PROSER2: variants seen among roughly 807,000 people sequenced by gnomAD.
PROSER2 encodes proline and serine rich 2, also known as proline and serine-rich protein 2.
A neutral mutation model predicts 14.6 loss-of-function variants in PROSER2; 18 were observed. The ratio of observed to expected loss-of-function variants is 1.23; its 90% CI spans 0.85 to 1.83. The LOEUF is 1.83. Ranked by LOEUF, PROSER2 falls within the 40% of genes most tolerant of loss-of-function variation. The probability of loss-of-function intolerance (pLI) is 0.00; values close to 1 mark genes in which losing one functional copy is unlikely to be tolerated. For missense variants in PROSER2, 823 were observed against 629.8 expected (o/e 1.31, Z -3.28); for synonymous variants, 367 against 286.4 (o/e 1.28, Z -2.84).
chr10:11,843,673 G>A, intron 1 of PROSER2, among the ~76,000 whole-genome samples: 1 of 148,646 alleles, frequency 6.7e-6, no homozygotes, highest in Non-Finnish European at 1.5e-5. Flanking sequence ...ACGACAGAGC[G>A]AGACTCTGTC....
chr10:11,864,328 C>A (rs1352558073), intron 2 of PROSER2, among the ~76,000 whole-genome samples: 2 of 152,154 alleles, frequency 1.3e-5, no homozygotes, highest in African/African-American at 4.8e-5. Context: ...GAAGTTATTT[C>A]AAACTTAATG....
chr10:11,866,797 C>T lies in PROSER2; in HGVS notation c.391+14C>T, dbSNP rs192672837. The T allele has an allele frequency of 2.5e-3, 4,066 of 1,604,556 alleles. 6 individuals carry two copies. The highest frequency in any genetic ancestry group is 3.1e-3 in the Admixed American group (188 of 59,830). On this transcript the variant is annotated intron_variant, in intron 3 of 3. Coordinates refer to ENST00000277570, the MANE Select transcript of PROSER2 (RefSeq NM_153256.4). The surrounding 1 kb of genome is among the most constrained non-coding windows in gnomAD (Gnocchi z 6.0). Reference sequence around the variant, plus strand: ...CCCAGGCAGCAGGTGAGGGGGAAGACAGGCCATCCCTGGGATGTGGTTTCC... The same window carrying T: ...CCCAGGCAGCAGGTGAGGGGGAAGATAGGCCATCCCTGGGATGTGGTTTCC...
intron 1 of PROSER2, among the ~76,000 whole-genome samples, chr10:11,828,590 CT>C: frequency 6.6e-6 from 1 of 152,198 alleles, no homozygotes; most frequent in Admixed American, 6.5e-5. Context: ...GTAATCCCAG[CT>C]ACTCGGGAGG....
intron 3 of PROSER2, among the ~76,000 whole-genome samples, chr10:11,867,368 G>T (rs1834374696): frequency 6.6e-6 from 1 of 151,842 alleles, no homozygotes; most frequent in Non-Finnish European, 1.5e-5. Flanking sequence ...ATTGGAAATG[G>T]CTTCCAGGTA....
intron 3 of PROSER2, among the ~76,000 whole-genome samples, chr10:11,867,874 A>G (rs1057168713): frequency 2.6e-5 from 4 of 152,230 alleles, no homozygotes; most frequent in African/African-American, 9.6e-5. Flanking sequence ...ACTGAAAACA[A>G]ATGTGGCCAA....
intron 1 of PROSER2, among the ~76,000 whole-genome samples, chr10:11,824,477 T>C (rs1443506077): frequency 6.6e-6 from 1 of 152,220 alleles, no homozygotes; most frequent in African/African-American, 2.4e-5. Context: ...TGCCCCAGCA[T>C]GCACTAAAAA....
intron 1 of PROSER2, among the ~76,000 whole-genome samples, chr10:11,825,183 C>T (rs1410316169): frequency 1.3e-5 from 2 of 152,176 alleles, no homozygotes; most frequent in Non-Finnish European, 2.9e-5. Context: ...AGGAGTGGAG[C>T]CTGGAAACCT....
chr10:11,847,567 G>A (rs1428152587), intron 1 of PROSER2, among the ~76,000 whole-genome samples: 1 of 152,114 alleles, frequency 6.6e-6, no homozygotes. Flanking sequence ...ACAGGTGCCT[G>A]CCACCACGCC....
chr10:11,838,107 T>C lies in PROSER2; in HGVS notation c.-81-13890T>C, dbSNP rs1833786648. ...ACCTCCAGGAAACCTTTCCTTTCTG[T>C]GTTGGTAGCAGCCAGACTCAGGTGC... On this transcript the variant is annotated intron_variant, in intron 1 of 3. Transcript: ENST00000277570. The surrounding 1 kb of genome is among the most constrained non-coding windows in gnomAD (Gnocchi z 4.4). Among the ~76,000 whole-genome samples the C allele has an allele frequency of 6.6e-6, 1 of 152,020 alleles. No individual in the cohort carries two copies. Among genetic ancestry groups the C allele is most frequent in the Non-Finnish European group, 1.5e-5 (1 of 68,014 alleles).
At chr10:11,853,511 C>T (rs950716411) in intron 2 of PROSER2, among the ~76,000 whole-genome samples, 1 of 152,154 alleles carries the variant, frequency 6.6e-6, no homozygotes, top group Admixed American at 6.5e-5. Context: ...TCACTTGAAC[C>T]AGGAGGCAGA....
At chr10:11,845,529 A>T (rs997818365) in intron 1 of PROSER2, among the ~76,000 whole-genome samples, 1 of 152,210 alleles carries the variant, frequency 6.6e-6, no homozygotes, top group Admixed American at 6.5e-5. Flanking sequence ...ATAATTGAGG[A>T]AAGTTTAATA....
In PROSER2 at chr10:11,838,640, T is replaced by C. The variant is rs1833795310; in HGVS notation, c.-81-13357T>C. Among the ~76,000 whole-genome samples the C allele has an allele frequency of 6.6e-6, 1 of 152,238 alleles. No homozygotes were observed. Among genetic ancestry groups the C allele is most frequent in the Non-Finnish European group, 1.5e-5 (1 of 68,036 alleles). The stretch of plus-strand genomic sequence containing the variant: ...TCATTCCCAGCAGGTTCACCAAGGT[T>C]GACCCACATTCTTGCTGACACTTGT... On this transcript the variant is annotated intron_variant, in intron 1 of 3. Transcript: ENST00000277570. The surrounding 1 kb of genome is among the most constrained non-coding windows in gnomAD (Gnocchi z 4.4).
Position 11,869,768 on chromosome 10 carries a change from G to A in PROSER2, c.670G>A (p.Glu224Lys). Residue 224 changes from glutamate to lysine, a missense_variant, in exon 4 of 4, where the codon GAG becomes AAG. By Grantham distance (56) the Glu-to-Lys change is moderately conservative (BLOSUM62 1). Coordinates refer to ENST00000277570, the MANE Select transcript of PROSER2 (RefSeq NM_153256.4). This position sits in a 1 kb window ranked among gnomAD's most constrained non-coding sequence, Gnocchi z 4.4. ...CCCGTTCAGGGAGGGCCGGCCCGGG[G>A]AGTGGAGGACACCTGCCGCCCGGGG... ...TSPFREGRPG[E>K]WRTPAARGPR... 6.4e-7 allele frequency: 1 copy of A among 1,567,826 alleles called. No individual in the cohort carries two copies. The highest frequency in any genetic ancestry group is 8.6e-7 in the Non-Finnish European group (1 of 1,158,404).
At chr10:11,847,157 AT>A (rs879709767) in intron 1 of PROSER2, among the ~76,000 whole-genome samples, 34,026 of 101,618 alleles carry the variant, frequency 0.33, 4,172 homozygotes, top group South Asian at 0.38. Context: ...ATAAATAAAT[AT>A]ATATATATAT....
In PROSER2 at chr10:11,869,457, C is replaced by G. The variant is rs1327660184; in HGVS notation, c.392-33C>G. On this transcript the variant is annotated intron_variant, in intron 3 of 3. Coordinates refer to ENST00000277570, the MANE Select transcript of PROSER2 (RefSeq NM_153256.4). This position sits in a 1 kb window ranked among gnomAD's most constrained non-coding sequence, Gnocchi z 4.4. ...TTCATGCATTTACTTTCACGTGGGC[C>G]GGTGGCTCACAGGCTCCTCCCTTGT... 1 of 1,532,406 alleles carries G rather than the reference C, an allele frequency of 6.5e-7. No individual in the cohort carries two copies. The highest frequency in any genetic ancestry group is 1.4e-5 in the African/African-American group (1 of 73,240). The allele number at this position is 1,532,406 out of a possible 1,614,324, so 94.9% of individuals were successfully genotyped here. A position where few individuals can be genotyped will look rare whatever the true frequency, so the allele number is the denominator to read the frequency against.
chr10:11,835,579 T>C (rs1335392085), intron 1 of PROSER2, among the ~76,000 whole-genome samples: 1 of 152,244 alleles, frequency 6.6e-6, no homozygotes, highest in African/African-American at 2.4e-5. Context: ...TAAAAAACTC[T>C]ACAAGAGTCT....
At chr10:11,860,880 T>C (rs1334902385) in intron 2 of PROSER2, among the ~76,000 whole-genome samples, 2 of 151,920 alleles carry the variant, frequency 1.3e-5, no homozygotes, top group East Asian at 3.9e-4. Flanking sequence ...CCAAGGTGGG[T>C]GAATCACTTG....
chr10:11,844,409 A>G (rs1173980011), intron 1 of PROSER2, among the ~76,000 whole-genome samples: 5 of 152,174 alleles, frequency 3.3e-5, no homozygotes, highest in Non-Finnish European at 7.3e-5. Flanking sequence ...TCCTCAACTC[A>G]CTTCTACCCC....
intron 2 of PROSER2, among the ~76,000 whole-genome samples, chr10:11,853,140 A>G (rs1318364145): frequency 6.6e-6 from 1 of 152,176 alleles, no homozygotes; most frequent in Non-Finnish European, 1.5e-5. Flanking sequence ...TGGGAACGCC[A>G]GTTTCCCTCA....
Sources: gnomAD v4.1 joint callset for allele counts (sites outside exome capture counted in the v4.1 genomes callset) on GRCh38, gnomAD v4.1.1 for gene constraint, Gnocchi (gnomAD v3.1) non-coding constraint, MANE v1.5 for transcripts, NCBI Gene and HGNC (gene_info 2026-07-23, HGNC 2026-07-21) for gene names.